The following CPQ variants were observed in gnomAD, a reference collection of about 807,000 sequenced individuals.
The protein encoded by CPQ is carboxypeptidase Q, also known as Ser-Met dipeptidase.
Under a neutral mutation model 45.7 loss-of-function variants are expected in CPQ, and 37 were observed. That is an observed-to-expected ratio of 0.81 (90% CI 0.62 to 1.07). The LOEUF (loss-of-function observed/expected upper bound fraction) is 1.07, where lower values mean the gene tolerates loss of function less well. CPQ is among the 50% of genes least tolerant of loss of function. The pLI is 0.00. For synonymous variants in CPQ, 186 were observed against 205.8 expected (o/e 0.90, Z 0.82); for missense variants, 537 against 572.9 (o/e 0.94, Z 0.64).
intron 5 of CPQ, among the ~76,000 whole-genome samples, chr8:96,993,301 A>G (rs2130410227): frequency 6.6e-6 from 1 of 152,300 alleles, no homozygotes; most frequent in Non-Finnish European, 1.5e-5. Flanking sequence ...TATAAAATAT[A>G]GTGATTACCA....
chr8:96,694,971 C>T (rs1189142255), intron 1 of CPQ, among the ~76,000 whole-genome samples: 4 of 152,000 alleles, frequency 2.6e-5, no homozygotes, highest in African/African-American at 9.7e-5. Flanking sequence ...AAAAAGAGCC[C>T]GCATTGCCAA....
At chr8:96,919,905 C>T (rs1386284496) in intron 4 of CPQ, among the ~76,000 whole-genome samples, 1 of 152,230 alleles carries the variant, frequency 6.6e-6, no homozygotes, top group South Asian at 2.1e-4. Context: ...TGGAGTTATA[C>T]AGATCTGAGT....
chr8:97,053,863 G>T (rs1292599807), intron 6 of CPQ, among the ~76,000 whole-genome samples: 1 of 152,190 alleles, frequency 6.6e-6, no homozygotes, highest in African/African-American at 2.4e-5. Context: ...GGCATAGCAA[G>T]TTGTCAGGCT....
chr8:96,959,891 C>CA (rs540520742), intron 4 of CPQ, among the ~76,000 whole-genome samples: 18,835 of 80,292 alleles, frequency 0.23, 1,489 homozygotes, highest in South Asian at 0.36. Context: ...ATCACAAAAG[C>CA]AAAAAAAAAA....
chr8:96,912,368 G>A (rs903561980), intron 4 of CPQ, among the ~76,000 whole-genome samples: 10 of 152,226 alleles, frequency 6.6e-5, no homozygotes, highest in East Asian at 1.9e-4. Flanking sequence ...TCTTGTATGC[G>A]AATGTGAATA....
rs149638044 is a variant in CPQ at position 96,835,146 on chromosome 8, C to G, written c.607C>G (p.Leu203Val). 6.0e-5 allele frequency: 94 copies of G among 1,554,346 alleles called. 1 individual carries two copies. Among genetic ancestry groups the G allele is most frequent in the Non-Finnish European group, 5.5e-5 (63 of 1,145,912 alleles). The change falls in exon 3 of 8, where the codon CTC (leucine) becomes GTC (valine). Residue 203 changes from leucine to valine, a missense_variant. By Grantham distance (32) the Leu-to-Val change is conservative. Coordinates refer to ENST00000220763, the MANE Select transcript of CPQ (RefSeq NM_016134.4). Reference protein sequence around the residue: ...EAAKVGALASLIRSVASFSIY... With the variant: ...EAAKVGALASVIRSVASFSIY... ...TGCCAAGGTGGGGGCTTTGGCATCT[C>G]TCATTCGATCCGTGGCCTCCTTCTC...
intron 1 of CPQ, among the ~76,000 whole-genome samples, chr8:96,680,058 A>G (rs944922602): frequency 1.3e-5 from 2 of 152,164 alleles, no homozygotes; most frequent in African/African-American, 4.8e-5. Context: ...ATTTATTGCT[A>G]TAAACTTCCC....
intron 1 of CPQ, among the ~76,000 whole-genome samples, chr8:96,681,215 G>A (rs1331423124): frequency 6.6e-6 from 1 of 152,182 alleles, no homozygotes; most frequent in East Asian, 1.9e-4. Context: ...TGACTCCAGG[G>A]CAGGTCAGAA....
chr8:96,995,602 A>G (rs1468982193), intron 5 of CPQ, among the ~76,000 whole-genome samples: 1 of 151,688 alleles, frequency 6.6e-6, no homozygotes, highest in Non-Finnish European at 1.5e-5. Flanking sequence ...TAGCAGCTGA[A>G]TAGTTAGAAT....
intron 1 of CPQ, among the ~76,000 whole-genome samples, chr8:96,763,308 G>C (rs992812647): frequency 2.0e-5 from 3 of 152,044 alleles, no homozygotes; most frequent in African/African-American, 7.2e-5. Context: ...TTCCCATATG[G>C]ATATTCAATT....
chr8:96,809,016 G>A (rs2130827799), intron 2 of CPQ, among the ~76,000 whole-genome samples: 1 of 152,178 alleles, frequency 6.6e-6, no homozygotes, highest in East Asian at 1.9e-4. Context: ...AACTGCAAGG[G>A]GATACATAAA....
At chr8:97,055,297 T>A (rs548622670) in intron 6 of CPQ, among the ~76,000 whole-genome samples, 19 of 152,322 alleles carry the variant, frequency 1.2e-4, no homozygotes, top group African/African-American at 4.6e-4. Flanking sequence ...CCAGGGCTAT[T>A]GTTGCCACCA....
At chr8:96,883,238 T>G (rs1563520395) in intron 4 of CPQ, among the ~76,000 whole-genome samples, 1 of 152,322 alleles carries the variant, frequency 6.6e-6, no homozygotes, top group East Asian at 1.9e-4. Flanking sequence ...TTGTGAACAT[T>G]CTTGTACTAG....
chr8:96,834,074 G>A (rs1449197017), intron 2 of CPQ, among the ~76,000 whole-genome samples: 2 of 152,128 alleles, frequency 1.3e-5, no homozygotes, highest in South Asian at 2.1e-4. Flanking sequence ...GATATATTTA[G>A]CCACTGCATC....
At chr8:96,771,508 A>T (rs1175447840) in intron 1 of CPQ, among the ~76,000 whole-genome samples, 1 of 152,038 alleles carries the variant, frequency 6.6e-6, no homozygotes, top group Non-Finnish European at 1.5e-5. Flanking sequence ...CCTATCCCCC[A>T]TCATGTGAAA....
rs559896609 is a variant in CPQ at position 96,995,669 on chromosome 8, T to A, written c.961+29623T>A. Among the ~76,000 whole-genome samples the A allele has an allele frequency of 4.9e-3, 724 of 146,622 alleles. 1 individual carries two copies. Among genetic ancestry groups the A allele is most frequent in the Admixed American group, 0.012 (180 of 14,650 alleles). On this transcript the variant is annotated intron_variant, in intron 5 of 7. Coordinates refer to ENST00000220763, the MANE Select transcript of CPQ (RefSeq NM_016134.4). ...TAGACTTGTGAGGTTTTTTTTTTTT[T>A]AAAAAAAAAACACTTCTATTTTAAG...
chr8:96,867,005 ACTGCATTTGAG>A (rs1404795308), intron 3 of CPQ, among the ~76,000 whole-genome samples: 1 of 152,088 alleles, frequency 6.6e-6, no homozygotes, highest in Non-Finnish European at 1.5e-5. Flanking sequence ...TCAACTAAAT[ACTGCATTTGAG>A]CTGCCCAACA....
chr8:96,871,435 T>G (rs1812065429), intron 3 of CPQ, among the ~76,000 whole-genome samples: 3 of 151,790 alleles, frequency 2.0e-5, no homozygotes, highest in South Asian at 2.1e-4. Context: ...TCAGTAGATA[T>G]CTTTCTAATA....
intron 7 of CPQ, among the ~76,000 whole-genome samples, chr8:97,123,071 TA>T (rs1811764768): frequency 5.2e-5 from 2 of 38,574 alleles, no homozygotes; most frequent in Non-Finnish European, 1.2e-4. Context: ...ATAAAAAAAA[TA>T]AAATAAAATA....
Sources: gnomAD v4.1 joint callset for allele counts (sites outside exome capture counted in the v4.1 genomes callset) on GRCh38, gnomAD v4.1.1 for gene constraint, MANE v1.5 for transcripts, NCBI Gene and HGNC (gene_info 2026-07-23, HGNC 2026-07-21) for gene names.